The following SLC39A9 variants were observed in gnomAD, a reference collection of about 807,000 sequenced individuals.
The protein encoded by SLC39A9 is zinc transporter ZIP9.
SLC39A9 carries 14 observed loss-of-function variants against 28.4 expected under a neutral mutation model. The ratio of observed to expected loss-of-function variants is 0.49; its 90% CI spans 0.33 to 0.77. The LOEUF is 0.77. SLC39A9 is among the 30% of genes least tolerant of loss of function. The pLI is 0.02. For missense variants in SLC39A9, 283 were observed against 381.1 expected (o/e 0.74, Z 2.14); for synonymous variants, 119 against 149.6 (o/e 0.80, Z 1.49).
intron 2 of SLC39A9, among the ~76,000 whole-genome samples, chr14:69,425,114 G>A (rs1884116460): frequency 6.6e-6 from 1 of 152,176 alleles, no homozygotes; most frequent in South Asian, 2.1e-4. Context: ...GTGGTCAGCT[G>A]CATTGGGGAA....
rs1306697591 is a variant in SLC39A9 at position 69,459,084 on chromosome 14, T to C, written c.*491T>C. On this transcript the variant is annotated 3_prime_UTR_variant, in exon 7 of 7. Coordinates refer to ENST00000336643, the MANE Select transcript of SLC39A9 (RefSeq NM_018375.5). ...TGCCACATGCGTTGATGGAAGGTCA[T>C]AGCACCCACTCACTTAGATGCTAAA... 1.0e-6 allele frequency: 1 copy of C among 987,168 alleles called. No individual in the cohort carries two copies. Among genetic ancestry groups the C allele is most frequent in the Non-Finnish European group, 1.2e-6 (1 of 830,838 alleles). 61.2% of individuals were successfully genotyped at this position (987,168 alleles called of 1,614,324 possible). A position where few individuals can be genotyped will look rare whatever the true frequency, so the allele number is the denominator to read the frequency against.
intron 1 of SLC39A9, among the ~76,000 whole-genome samples, chr14:69,405,670 T>C (rs1882874757): frequency 1.3e-5 from 2 of 152,232 alleles, no homozygotes; most frequent in African/African-American, 4.8e-5. Flanking sequence ...TCAGCTTGTC[T>C]TTTCTCAGAT....
rs780691448 is a variant in SLC39A9, at chr14:69,442,132, CA to C, written c.270del (p.Val91LeufsTer86). On this transcript the variant is annotated frameshift_variant, in exon 3 of 7. Transcript: ENST00000336643. LOFTEE classifies it high-confidence loss of function. ...VIASDKAAEK[S>X]VVHEHEHSHD... ...GCATCAGACAAAGCAGCAGAAAAAT[CA>C]GTTGTCCATGAACATGAGCACAGCC... is the stretch of plus-strand genomic sequence containing the variant. The C allele has an allele frequency of 6.2e-7, 1 of 1,614,158 alleles. No homozygotes were observed. The highest frequency in any genetic ancestry group is 2.2e-5 in the East Asian group (1 of 44,886).
rs184238756 is a variant in SLC39A9, at chr14:69,448,144, G to C, written c.404-5097G>C. Among the ~76,000 whole-genome samples, 10 of 149,672 alleles carry C rather than the reference G, an allele frequency of 6.7e-5. No individual in the cohort carries two copies. The Admixed American group carries it at 6.7e-4, about 10-fold the overall frequency. On this transcript the variant is annotated intron_variant, in intron 3 of 6. Coordinates refer to ENST00000336643, the MANE Select transcript of SLC39A9 (RefSeq NM_018375.5). ...GCAGGAGAATGGCGTGAACATGGGA[G>C]GCGGAGCTTGCAGTGAGCCGAGGTC...
chr14:69,403,766 AG>A (rs1421020022), intron 1 of SLC39A9, among the ~76,000 whole-genome samples: 1 of 152,152 alleles, frequency 6.6e-6, no homozygotes, highest in Non-Finnish European at 1.5e-5. Context: ...AAAGCAGGCC[AG>A]GCGTGGTGGC....
Position 69,461,401 on chromosome 14 carries a change from C to T in SLC39A9, c.*2808C>T. ...CCAGGTTTGATTCAGTTTTCCTGTGCACACTATTGCCAAATTTTTTTTTAG... is the reference window on the plus strand; with the variant it reads ...CCAGGTTTGATTCAGTTTTCCTGTGTACACTATTGCCAAATTTTTTTTTAG... On this transcript the variant is annotated 3_prime_UTR_variant, in exon 7 of 7. Coordinates refer to ENST00000336643, the MANE Select transcript of SLC39A9 (RefSeq NM_018375.5). 2.4e-6 allele frequency: 3 copies of T among 1,231,258 alleles called. No individual in the cohort carries two copies. The highest frequency in any genetic ancestry group is 3.1e-6 in the Non-Finnish European group (3 of 976,086). 76.3% of individuals were successfully genotyped at this position (1,231,258 alleles called of 1,614,324 possible).
chr14:69,413,370 T>A (rs552174655), intron 1 of SLC39A9, among the ~76,000 whole-genome samples: 24 of 150,930 alleles, frequency 1.6e-4, no homozygotes, highest in Admixed American at 4.6e-4. Flanking sequence ...AAAAAAAAAA[T>A]TTTTTTTCAA....
chr14:69,459,586 CA>C lies in SLC39A9; in HGVS notation c.*994del, dbSNP rs1886027857. The stretch of plus-strand genomic sequence containing the variant: ...TTTTTTTTTTAATTATTTCTCTTAG[CA>C]GATCAGCAATCCCTCTAGGGACCTA... On this transcript the variant is annotated 3_prime_UTR_variant, in exon 7 of 7. Transcript: ENST00000336643. 5 of 969,212 alleles carry C rather than the reference CA, an allele frequency of 5.2e-6. No homozygotes were observed. The highest frequency in any genetic ancestry group is 4.9e-6 in the Non-Finnish European group (4 of 818,854). 60.0% of individuals were successfully genotyped at this position (969,212 alleles called of 1,614,324 possible).
At chr14:69,435,447 G>T (rs74061815) in intron 2 of SLC39A9, among the ~76,000 whole-genome samples, 10 of 152,122 alleles carry the variant, frequency 6.6e-5, no homozygotes, top group African/African-American at 2.2e-4. Flanking sequence ...ATTTAAAGTG[G>T]ACTTCTTACA....
chr14:69,457,452 T>C (rs1201052157), intron 6 of SLC39A9, among the ~76,000 whole-genome samples: 3 of 151,798 alleles, frequency 2.0e-5, no homozygotes, highest in African/African-American at 4.8e-5. Flanking sequence ...CCGCCCACCT[T>C]GGCCTCCCAA....
At chr14:69,443,349 GC>G (rs1418795968) in intron 3 of SLC39A9, among the ~76,000 whole-genome samples, 1 of 152,224 alleles carries the variant, frequency 6.6e-6, no homozygotes, top group Non-Finnish European at 1.5e-5. Context: ...TAGATGCAGA[GC>G]TACTTGATAG....
At chr14:69,452,662 C>T (rs955234043) in intron 3 of SLC39A9, among the ~76,000 whole-genome samples, 4 of 151,872 alleles carry the variant, frequency 2.6e-5, no homozygotes, top group African/African-American at 9.7e-5. Flanking sequence ...GAATCTGACA[C>T]GGATGTGTAA....
At chr14:69,429,592 C>T (rs1022422995) in intron 2 of SLC39A9, 3 of 152,192 alleles carry the variant, frequency 2.0e-5, no homozygotes, top group African/African-American at 7.2e-5. Flanking sequence ...GTGCCTCACA[C>T]CTGTAGTCCC....
intron 1 of SLC39A9, among the ~76,000 whole-genome samples, chr14:69,413,448 T>G (rs1944714655): frequency 6.6e-6 from 1 of 152,156 alleles, no homozygotes; most frequent in South Asian, 2.1e-4. Context: ...AAACAAAAAC[T>G]GTTGTCACCA....
intron 1 of SLC39A9, among the ~76,000 whole-genome samples, chr14:69,422,964 C>G (rs1448255480): frequency 6.6e-6 from 1 of 151,998 alleles, no homozygotes; most frequent in Non-Finnish European, 1.5e-5. Flanking sequence ...TCAAACTTGG[C>G]TAAAAAGAAG....
At chr14:69,448,673 G>A (rs1219228167) in intron 3 of SLC39A9, among the ~76,000 whole-genome samples, 2 of 152,288 alleles carry the variant, frequency 1.3e-5, no homozygotes, top group South Asian at 2.1e-4. Context: ...ATTCTAGACT[G>A]GATCCTTCCT....
At chr14:69,452,936 C>G (rs1397762220) in intron 3 of SLC39A9, among the ~76,000 whole-genome samples, 1 of 152,144 alleles carries the variant, frequency 6.6e-6, no homozygotes, top group Non-Finnish European at 1.5e-5. Context: ...TTGGGGGTTA[C>G]ACATTTCAGT....
chr14:69,421,312 T>G lies in SLC39A9; in HGVS notation c.97-2782T>G, dbSNP rs143455710. Among the ~76,000 whole-genome samples, 448 of 152,342 alleles carry G rather than the reference T, an allele frequency of 2.9e-3. 3 individuals carry two copies. The highest frequency in any genetic ancestry group is 0.01 in the African/African-American group (436 of 41,588). ...GGTCCACTCCAGATGCTGTTTGCCTTGGTATCACCAGCAGAGGCTGCAGAA... is the reference window on the plus strand; with the variant it reads ...GGTCCACTCCAGATGCTGTTTGCCTGGGTATCACCAGCAGAGGCTGCAGAA... On this transcript the variant is annotated intron_variant, in intron 1 of 6. Transcript: ENST00000336643.
chr14:69,409,318 A>G (rs1883119003), intron 1 of SLC39A9, among the ~76,000 whole-genome samples: 1 of 152,112 alleles, frequency 6.6e-6, no homozygotes, highest in Admixed American at 6.6e-5. Context: ...CTTTATTCTT[A>G]AAAACTTGTT....
Sources: gnomAD v4.1 joint callset for allele counts (sites outside exome capture counted in the v4.1 genomes callset) on GRCh38, gnomAD v4.1.1 for gene constraint, MANE v1.5 for transcripts, NCBI Gene and HGNC (gene_info 2026-07-23, HGNC 2026-07-21) for gene names.